Variants in BICC1 observed in about 807,000 individuals in gnomAD.
BICC1 encodes the protein BicC family RNA binding protein 1.
Under a neutral mutation model 111.0 loss-of-function variants are expected in BICC1, and 43 were observed. That is an observed-to-expected ratio of 0.39 (90% CI 0.30 to 0.50). The LOEUF (loss-of-function observed/expected upper bound fraction) is 0.50, where lower values mean the gene tolerates loss of function less well. Among genes scored for constraint, BICC1 ranks in the 20% least tolerant of loss-of-function variants. The probability of loss-of-function intolerance (pLI) is 0.88; values close to 1 mark genes in which losing one functional copy is unlikely to be tolerated. For synonymous variants in BICC1, 467 were observed against 434.4 expected, an observed-to-expected ratio of 1.07 and a Z score of -0.93; for missense variants, 1,091 against 1,203.2, an observed-to-expected ratio of 0.91 and a Z score of 1.38.
In BICC1 at chr10:58,561,411, C is replaced by T. The variant is rs186129678; in HGVS notation, c.190+48078C>T. Among the ~76,000 whole-genome samples, 123 of 151,820 alleles carry T rather than the reference C, an allele frequency of 8.1e-4. 1 individual carries two copies. Among genetic ancestry groups the T allele is most frequent in the Non-Finnish European group, 2.2e-4 (15 of 67,852 alleles). On this transcript the variant is annotated intron_variant, in intron 1 of 20. Transcript: ENST00000373886. ...CTTTGTGTAGAATATTCTTGTTCAT[C>T]CCTTCATGTTCAGTCTGTGTGTTCT...
intron 3 of BICC1, among the ~76,000 whole-genome samples, chr10:58,703,932 CTGT>C (rs1840314338): frequency 2.2e-5 from 1 of 45,728 alleles, no homozygotes; most frequent in African/African-American, 8.7e-5. Flanking sequence ...AGTATCCATG[CTGT>C]TGTTTTCCTC....
At chr10:58,693,244 T>C (rs1312226588) in intron 2 of BICC1, among the ~76,000 whole-genome samples, 36 of 152,228 alleles carry the variant, frequency 2.4e-4, no homozygotes, top group Non-Finnish European at 1.2e-4. Flanking sequence ...CCACATTTTC[T>C]TAATCCAGTC....
At chr10:58,645,376 C>A (rs914632655) in intron 2 of BICC1, among the ~76,000 whole-genome samples, 1 of 127,178 alleles carries the variant, frequency 7.9e-6, no homozygotes, top group African/African-American at 3.0e-5. Context: ...CACTGCGCTC[C>A]AGCCTGGGCG....
At chr10:58,799,434 C>T (rs1348655178) in intron 12 of BICC1, among the ~76,000 whole-genome samples, 182 bp downstream of exon 12, 1 of 151,932 alleles carries the variant, frequency 6.6e-6, no homozygotes, top group Admixed American at 6.6e-5. Flanking sequence ...TTATTTTTTT[C>T]AACTTTTATT....
intron 2 of BICC1, among the ~76,000 whole-genome samples, chr10:58,680,921 G>A (rs933823789): frequency 1.1e-4 from 16 of 152,210 alleles, no homozygotes; most frequent in African/African-American, 3.4e-4. Context: ...AAGCAATGGT[G>A]AAAGGATTCC....
chr10:58,573,976 C>T (rs1254503697), intron 1 of BICC1, among the ~76,000 whole-genome samples: 1 of 152,110 alleles, frequency 6.6e-6, no homozygotes, highest in Non-Finnish European at 1.5e-5. Context: ...TAATTTTTAG[C>T]ATCCATTTTG....
At position 58,566,326 on chromosome 10, in the gene BICC1, T is replaced by A. The variant is rs140490113; in HGVS notation, c.190+52993T>A. ...CACCACATGGTGTGTATATATATAT[T>A]CAATTATATATATACATACACATAT... On this transcript the variant is annotated intron_variant, in intron 1 of 20. Coordinates refer to ENST00000373886, the MANE Select transcript of BICC1 (RefSeq NM_001080512.3). 6.3e-3 allele frequency among the ~76,000 whole-genome samples: 962 copies of A among 151,994 alleles called. 7 individuals carry two copies. The highest frequency in any genetic ancestry group is 9.4e-3 in the Non-Finnish European group (642 of 67,968).
intron 3 of BICC1, among the ~76,000 whole-genome samples, chr10:58,713,833 A>G (rs1840651739): frequency 6.6e-6 from 1 of 152,146 alleles, no homozygotes; most frequent in Non-Finnish European, 1.5e-5. Flanking sequence ...GTTTATTTTT[A>G]TTATTCTTGT....
At chr10:58,648,579 T>C in intron 2 of BICC1, 11 of 983,940 alleles carry the variant, frequency 1.1e-5, no homozygotes, top group Non-Finnish European at 1.2e-5. Context: ...ATGGTATGTT[T>C]AGTGCCTCTC....
intron 1 of BICC1, among the ~76,000 whole-genome samples, chr10:58,571,326 T>A (rs1038145545): frequency 3.3e-5 from 5 of 152,172 alleles, no homozygotes; most frequent in Non-Finnish European, 7.4e-5. Flanking sequence ...TTATATAATT[T>A]TTATTTCCAA....
intron 2 of BICC1, among the ~76,000 whole-genome samples, chr10:58,645,404 CTCAA>C (rs1165324843): frequency 6.4e-5 from 3 of 46,742 alleles, no homozygotes; most frequent in South Asian, 1.2e-3. Flanking sequence ...GAGACTCCAT[CTCAA>C]AAAAAAAAAA....
rs1844468459 is a variant in BICC1, at chr10:58,587,474, T to C, written c.191-33381T>C. On this transcript the variant is annotated intron_variant, in intron 1 of 20. Coordinates refer to ENST00000373886, the MANE Select transcript of BICC1 (RefSeq NM_001080512.3). ...ACAGATATTTTCCAGTGTAGGACTT[T>C]TCGTAAAATCTTTAGCATAATAAAG... 3.3e-5 allele frequency among the ~76,000 whole-genome samples: 5 copies of C among 152,222 alleles called. 1 individual carries two copies. In the South Asian group the frequency reaches 1.0e-3, roughly 32 times the overall value.
At chr10:58,646,828 G>A (rs1189496004) in intron 2 of BICC1, among the ~76,000 whole-genome samples, 1 of 151,890 alleles carries the variant, frequency 6.6e-6, no homozygotes, top group African/African-American at 2.4e-5. Context: ...CAATTTTAGG[G>A]GGTTGACATG....
intron 18 of BICC1, among the ~76,000 whole-genome samples, chr10:58,816,304 C>T (rs1844085653): frequency 6.6e-6 from 1 of 152,118 alleles, no homozygotes; most frequent in Admixed American, 6.5e-5. Context: ...GTTTTTATGA[C>T]TTTGGGGCCT....
chr10:58,562,601 A>G (rs1425483318), intron 1 of BICC1, among the ~76,000 whole-genome samples: 1 of 151,976 alleles, frequency 6.6e-6, no homozygotes, highest in Non-Finnish European at 1.5e-5. Flanking sequence ...ATTCCTTTTC[A>G]GGCACTTTAT....
chr10:58,751,364 G>A (rs1841987086), intron 3 of BICC1, among the ~76,000 whole-genome samples: 1 of 152,146 alleles, frequency 6.6e-6, no homozygotes, highest in Non-Finnish European at 1.5e-5. Context: ...ACTGGTGTCA[G>A]CCTACCATGC....
intron 2 of BICC1, among the ~76,000 whole-genome samples, chr10:58,668,379 T>A (rs1839082045): frequency 1.3e-5 from 2 of 152,090 alleles, no homozygotes; most frequent in Non-Finnish European, 2.9e-5. Context: ...AAACTTATAC[T>A]TTTCACTCAA....
intron 1 of BICC1, among the ~76,000 whole-genome samples, chr10:58,600,668 G>T (rs997223578): frequency 4.6e-5 from 7 of 151,956 alleles, no homozygotes; most frequent in African/African-American, 1.7e-4. Flanking sequence ...TTGCACCTAT[G>T]CCACCCCTGA....
At chr10:58,742,687 C>T (rs983688816) in intron 3 of BICC1, among the ~76,000 whole-genome samples, 4 of 152,068 alleles carry the variant, frequency 2.6e-5, no homozygotes, top group Non-Finnish European at 5.9e-5. Context: ...ATCTGCCCAC[C>T]TCAGCCTCCC....
Sources: allele counts gnomAD v4.1 joint callset (sites outside exome capture counted in the v4.1 genomes callset), GRCh38; gene constraint gnomAD v4.1.1; transcripts MANE v1.5; gene names NCBI Gene and HGNC (gene_info 2026-07-23, HGNC 2026-07-21).